The following PAK5 variants were observed in gnomAD, a reference collection of about 807,000 sequenced individuals.
PAK5 encodes p21 (RAC1) activated kinase 5, also known as serine/threonine-protein kinase PAK 5.
PAK5 carries 16 observed loss-of-function variants against 65.9 expected under a neutral mutation model. The observed-to-expected ratio is 0.24, with a 90% CI of 0.16 to 0.37. The LOEUF (loss-of-function observed/expected upper bound fraction) is 0.37, where lower values mean the gene tolerates loss of function less well. PAK5 is among the 10% of genes least tolerant of loss of function. The pLI, the probability that PAK5 is intolerant of heterozygous loss-of-function variation, is 1.00. For synonymous variants in PAK5, 371 were observed against 354.9 expected (o/e 1.05, Z -0.51); for missense variants, 785 against 903.9 (o/e 0.87, Z 1.69).
chr20:9,613,263 C>T (rs2046597208), intron 3 of PAK5, among the ~76,000 whole-genome samples: 1 of 152,220 alleles, frequency 6.6e-6, no homozygotes, highest in Non-Finnish European at 1.5e-5. Context: ...TTAGTTCTGT[C>T]AGAGAAGTAA....
chr20:9,567,861 C>A (rs1329950578), intron 4 of PAK5, among the ~76,000 whole-genome samples: 1 of 152,122 alleles, frequency 6.6e-6, no homozygotes, highest in Non-Finnish European at 1.5e-5. Context: ...TAATGAGATG[C>A]CATCTTGGAT....
chr20:9,735,936 T>C (rs1298249456), intron 1 of PAK5, among the ~76,000 whole-genome samples: 1 of 151,026 alleles, frequency 6.6e-6, no homozygotes, highest in Non-Finnish European at 1.5e-5. Context: ...AGTTTTGCTC[T>C]TGTTTCCTAG....
At chr20:9,597,226 T>C (rs758665512) in intron 3 of PAK5, among the ~76,000 whole-genome samples, 4 of 152,230 alleles carry the variant, frequency 2.6e-5, no homozygotes, top group Non-Finnish European at 4.4e-5. Context: ...GGCACCCTTC[T>C]AGCTTCAAAA....
At chr20:9,632,485 G>C (rs547667127) in intron 3 of PAK5, among the ~76,000 whole-genome samples, 2 of 152,280 alleles carry the variant, frequency 1.3e-5, no homozygotes, top group Non-Finnish European at 2.9e-5. Flanking sequence ...TGGATTACAT[G>C]CATAATGAAA....
chr20:9,580,602 C>G lies in PAK5; in HGVS notation c.533G>C (p.Gly178Ala), dbSNP rs2123015869. 1 of 1,614,048 alleles carries G rather than the reference C, an allele frequency of 6.2e-7. No individual in the cohort carries two copies. Among genetic ancestry groups the G allele is most frequent in the Non-Finnish European group, 8.5e-7 (1 of 1,180,022 alleles). Reference protein sequence around the residue: ...QNGHVMKMKHGEAYYSEVKPL... With the variant: ...QNGHVMKMKHAEAYYSEVKPL... ...CTTCACCTCAGAATAGTAGGCCTCC[C>G]CGTGCTTCATTTTCATTACGTGCCC... is the stretch of plus-strand genomic sequence containing the variant. Residue 178 changes from glycine to alanine, a missense_variant, in exon 4 of 10, where the codon GGG (glycine) becomes GCG (alanine). Transcript: ENST00000353224.
At chr20:9,600,379 T>G (rs2046339018) in intron 3 of PAK5, among the ~76,000 whole-genome samples, 1 of 152,220 alleles carries the variant, frequency 6.6e-6, no homozygotes, top group South Asian at 2.1e-4. Context: ...CCTATTTCTG[T>G]AAAAAACACT....
intron 1 of PAK5, among the ~76,000 whole-genome samples, chr20:9,759,830 G>T (rs745640599): frequency 8.5e-5 from 13 of 152,170 alleles, no homozygotes; most frequent in Non-Finnish European, 1.3e-4. Context: ...TAAGACACCA[G>T]CAGACTATTT....
At chr20:9,813,221 G>T (rs944453936) in intron 1 of PAK5, among the ~76,000 whole-genome samples, 1 of 151,988 alleles carries the variant, frequency 6.6e-6, no homozygotes, top group Non-Finnish European at 1.5e-5. Context: ...GGGACCTAGG[G>T]TAGGAGATAT....
intron 3 of PAK5, among the ~76,000 whole-genome samples, chr20:9,642,248 T>C (rs1002048691): frequency 3.3e-5 from 5 of 152,212 alleles, no homozygotes; most frequent in African/African-American, 4.8e-5. Context: ...TCCACAATGG[T>C]TGAACTCGTT....
At chr20:9,612,607 G>C (rs1397875570) in intron 3 of PAK5, among the ~76,000 whole-genome samples, 3 of 152,080 alleles carry the variant, frequency 2.0e-5, no homozygotes, top group Non-Finnish European at 4.4e-5. Flanking sequence ...CAAGACGGTT[G>C]GTGCTAAACC....
At chr20:9,719,628 A>G (rs2048190830) in intron 1 of PAK5, among the ~76,000 whole-genome samples, 1 of 152,124 alleles carries the variant, frequency 6.6e-6, no homozygotes, top group African/African-American at 2.4e-5. Context: ...TTATGTTTAG[A>G]TATATTGATT....
At chr20:9,761,653 A>T (rs2048701489) in intron 1 of PAK5, among the ~76,000 whole-genome samples, 1 of 152,182 alleles carries the variant, frequency 6.6e-6, no homozygotes, top group Non-Finnish European at 1.5e-5. Context: ...TATATTACAA[A>T]GCTATAGTAA....
intron 1 of PAK5, among the ~76,000 whole-genome samples, chr20:9,749,886 T>C (rs776967531): frequency 5.9e-5 from 9 of 152,146 alleles, no homozygotes; most frequent in Non-Finnish European, 1.3e-4. Context: ...TGCTGACCAG[T>C]AACACTCAGT....
intron 3 of PAK5, among the ~76,000 whole-genome samples, chr20:9,610,691 G>A (rs1423777389): frequency 6.6e-6 from 1 of 152,114 alleles, no homozygotes; most frequent in East Asian, 1.9e-4. Flanking sequence ...CTGTTCTGGC[G>A]TGTCCCTCCC....
intron 1 of PAK5, among the ~76,000 whole-genome samples, chr20:9,735,335 CAG>C (rs2048376849): frequency 6.6e-6 from 1 of 152,120 alleles, no homozygotes; most frequent in Admixed American, 6.6e-5. Context: ...TCCAGAGAAT[CAG>C]AGATTTGTAC....
At chr20:9,694,185 TTATTA>T (rs1471644291) in intron 2 of PAK5, among the ~76,000 whole-genome samples, 1 of 152,074 alleles carries the variant, frequency 6.6e-6, no homozygotes, top group African/African-American at 2.4e-5. Context: ...GCAAAAAATC[TTATTA>T]TATTAAAACA....
At chr20:9,609,491 G>A (rs988469132) in intron 3 of PAK5, among the ~76,000 whole-genome samples, 1 of 152,150 alleles carries the variant, frequency 6.6e-6, no homozygotes, top group African/African-American at 2.4e-5. Flanking sequence ...AGAGCAGGCC[G>A]AGATGCAAAC....
chr20:9,702,618 C>T (rs2047953846), intron 2 of PAK5, among the ~76,000 whole-genome samples: 1 of 152,132 alleles, frequency 6.6e-6, no homozygotes, highest in Admixed American at 6.6e-5. Flanking sequence ...CTATAAAGGG[C>T]CCGTGATATT....
At chr20:9,591,344 A>G (rs1051156296) in intron 3 of PAK5, among the ~76,000 whole-genome samples, 20 of 152,106 alleles carry the variant, frequency 1.3e-4, no homozygotes, top group Non-Finnish European at 2.1e-4. Flanking sequence ...TTCAACTCTC[A>G]GGAGTAGAAA....
Sources: gnomAD v4.1 joint callset for allele counts (sites outside exome capture counted in the v4.1 genomes callset) on GRCh38, gnomAD v4.1.1 for gene constraint, MANE v1.5 for transcripts, NCBI Gene and HGNC (gene_info 2026-07-23, HGNC 2026-07-21) for gene names.